The following RSRC1 variants were observed in gnomAD, a reference collection of about 807,000 sequenced individuals.
RSRC1 encodes arginine and serine rich coiled-coil 1, also known as serine/Arginine-related protein 53.
A neutral mutation model predicts 49.1 loss-of-function variants in RSRC1; 39 were observed. That is an observed-to-expected ratio of 0.79 (90% CI 0.61 to 1.04). The LOEUF (loss-of-function observed/expected upper bound fraction) is 1.04, where lower values mean the gene tolerates loss of function less well. Among genes scored for constraint, RSRC1 ranks in the 50% least tolerant of loss-of-function variants. RSRC1 has a pLI of 0.00. For missense variants in RSRC1, 388 were observed against 402.4 expected (o/e 0.96, Z 0.31); for synonymous variants, 143 against 130.8 (o/e 1.09, Z -0.63).
intron 4 of RSRC1, among the ~76,000 whole-genome samples, chr3:158,240,984 ATTAG>A (rs765963004): frequency 7.4e-4 from 113 of 152,318 alleles, no homozygotes; most frequent in African/African-American, 1.5e-3. Flanking sequence ...CTATTTTCTT[ATTAG>A]TTATTGTCAT....
intron 6 of RSRC1, among the ~76,000 whole-genome samples, chr3:158,425,207 G>C (rs56290300): frequency 0.073 from 11,139 of 152,020 alleles, 476 homozygotes; most frequent in South Asian, 0.13. Flanking sequence ...GCTTTGTCTT[G>C]TGGGCATTTA....
intron 6 of RSRC1, among the ~76,000 whole-genome samples, chr3:158,454,419 A>G (rs973844136): frequency 6.6e-6 from 1 of 152,142 alleles, no homozygotes; most frequent in Non-Finnish European, 1.5e-5. Flanking sequence ...AACTTCAATA[A>G]TGATAATATT....
intron 6 of RSRC1, among the ~76,000 whole-genome samples, chr3:158,371,379 A>T (rs116395507): frequency 0.018 from 2,661 of 151,194 alleles, 38 homozygotes; most frequent in Non-Finnish European, 0.024. Flanking sequence ...ATTCCCCCAT[A>T]CCCCTTTTTT....
intron 3 of RSRC1, among the ~76,000 whole-genome samples, chr3:158,145,622 T>G (rs1343339722): frequency 6.6e-6 from 1 of 152,236 alleles, no homozygotes; most frequent in African/African-American, 2.4e-5. Flanking sequence ...CGGGCTCTTT[T>G]TTGGTTCCAT....
chr3:158,180,663 C>T (rs1053038839), intron 3 of RSRC1, among the ~76,000 whole-genome samples: 5 of 151,194 alleles, frequency 3.3e-5, no homozygotes, highest in Non-Finnish European at 7.4e-5. Flanking sequence ...GGTGGGGTTT[C>T]GCCATGTCGT....
chr3:158,452,990 A>G (rs1161661018), intron 6 of RSRC1, among the ~76,000 whole-genome samples: 2 of 152,184 alleles, frequency 1.3e-5, no homozygotes, highest in African/African-American at 4.8e-5. Context: ...TTTTTTTAGT[A>G]AATGAGATAT....
chr3:158,496,734 G>A (rs1739339446), intron 7 of RSRC1: 2 of 290,214 alleles, frequency 6.9e-6, no homozygotes, highest in Admixed American at 3.0e-5. Flanking sequence ...TGTATGTCAT[G>A]TTGGTGGTGG....
intron 7 of RSRC1, among the ~76,000 whole-genome samples, chr3:158,520,539 A>G (rs891320878): frequency 3.3e-5 from 5 of 152,138 alleles, no homozygotes; most frequent in African/African-American, 1.2e-4. Flanking sequence ...TTTGGGTCAA[A>G]TGACTTTCTG....
At chr3:158,346,722 A>T (rs1730571651) in intron 5 of RSRC1, among the ~76,000 whole-genome samples, 1 of 152,250 alleles carries the variant, frequency 6.6e-6, no homozygotes, top group African/African-American at 2.4e-5. Flanking sequence ...TTTCTTAAAA[A>T]GTTAAACATA....
At chr3:158,260,517 G>A (rs1724829234) in intron 4 of RSRC1, among the ~76,000 whole-genome samples, 2 of 152,102 alleles carry the variant, frequency 1.3e-5, no homozygotes, top group South Asian at 4.2e-4. Context: ...CACCTGTTCT[G>A]CCTGGGATTA....
At chr3:158,478,522 C>T (rs567172378) in intron 7 of RSRC1, among the ~76,000 whole-genome samples, 2 of 149,422 alleles carry the variant, frequency 1.3e-5, no homozygotes, top group African/African-American at 4.9e-5. Flanking sequence ...CCTCTCCCCC[C>T]AAATTAAGTT....
At chr3:158,435,712 C>A (rs1736006820) in intron 6 of RSRC1, among the ~76,000 whole-genome samples, 1 of 151,476 alleles carries the variant, frequency 6.6e-6, no homozygotes. Flanking sequence ...TAAGGGAAGA[C>A]TTTACGCTTA....
At chr3:158,376,671 C>G (rs149342062) in intron 6 of RSRC1, among the ~76,000 whole-genome samples, 83 of 152,278 alleles carry the variant, frequency 5.5e-4, no homozygotes, top group African/African-American at 1.9e-3. Context: ...AATCAATGTT[C>G]TACTTTGTGT....
At chr3:158,247,221 T>A (rs1723953580) in intron 4 of RSRC1, among the ~76,000 whole-genome samples, 1 of 152,256 alleles carries the variant, frequency 6.6e-6, no homozygotes, top group Admixed American at 6.5e-5. Flanking sequence ...TTTTCAATTC[T>A]AACTGGTCAG....
chr3:158,528,461 G>T (rs569122198), intron 7 of RSRC1, among the ~76,000 whole-genome samples: 32 of 151,856 alleles, frequency 2.1e-4, no homozygotes, highest in Non-Finnish European at 3.8e-4. Flanking sequence ...AGAAAAAAGA[G>T]CTGCGTATCT....
At chr3:158,506,078 CA>C (rs1739847884) in intron 7 of RSRC1, among the ~76,000 whole-genome samples, 1 of 152,084 alleles carries the variant, frequency 6.6e-6, no homozygotes, top group Non-Finnish European at 1.5e-5. Context: ...ACACAGACAA[CA>C]GAAGCAAAAA....
intron 4 of RSRC1, among the ~76,000 whole-genome samples, chr3:158,233,064 C>G (rs1723054848): frequency 6.6e-6 from 1 of 152,046 alleles, no homozygotes; most frequent in Non-Finnish European, 1.5e-5. Flanking sequence ...GTGACCCTCT[C>G]ATTCTTTTCC....
chr3:158,532,586 T>A (rs1000197203), intron 7 of RSRC1, among the ~76,000 whole-genome samples: 2 of 151,830 alleles, frequency 1.3e-5, no homozygotes, highest in East Asian at 1.9e-4. Context: ...TTTTTAAAAA[T>A]TTTTCATCAC....
chr3:158,129,288 CTTTTTTTTTTTT>C (rs71144439), intron 3 of RSRC1, among the ~76,000 whole-genome samples: 4 of 71,082 alleles, frequency 5.6e-5, no homozygotes, highest in Non-Finnish European at 9.8e-5. Context: ...TTCTTTCTTT[CTTTTTTTTTTTT>C]TTTTTTTTTT....
Sources: allele counts gnomAD v4.1 joint callset (sites outside exome capture counted in the v4.1 genomes callset), GRCh38; gene constraint gnomAD v4.1.1; transcripts MANE v1.5; gene names NCBI Gene and HGNC (gene_info 2026-07-23, HGNC 2026-07-21).